SP9: variants seen among roughly 807,000 people sequenced by gnomAD.
The protein encoded by SP9 is Sp9 transcription factor.
Under a neutral mutation model 23.0 loss-of-function variants are expected in SP9, and 5 were observed. The observed-to-expected ratio is 0.22, with a 90% CI of 0.11 to 0.46. The LOEUF is 0.46. SP9 is among the 20% of genes least tolerant of loss of function. The pLI is 0.99. For synonymous variants in SP9, 360 were observed against 356.5 expected (o/e 1.01, Z -0.11); for missense variants, 542 against 724.0 (o/e 0.75, Z 2.88).
chr2:174,337,509 AGGAAGCAGCGTCT>A lies in SP9; in HGVS notation c.1427_1439del (p.Glu476AlafsTer41). On this transcript the variant is annotated frameshift_variant, in exon 2 of 2. Transcript: ENST00000394967. LOFTEE classifies it high-confidence loss of function. ...GCGGCGGCGGCCTCCGCGGGAGGCA[AGGAAGCAGCGTCT>A]GGCCCCAACGACTCTTAGAGGCCGG... is the stretch of plus-strand genomic sequence containing the variant. 2 of 1,179,238 alleles carry A rather than the reference AGGAAGCAGCGTCT, an allele frequency of 1.7e-6. No homozygotes were observed. Among genetic ancestry groups the A allele is most frequent in the Non-Finnish European group, 2.1e-6 (2 of 950,978 alleles). The allele number at this position is 1,179,238 out of a possible 1,614,324, so 73.0% of individuals were successfully genotyped here.
In SP9 at chr2:174,336,917, G is replaced by A. The variant is rs1158545941; in HGVS notation, c.832G>A (p.Ala278Thr). Reference protein sequence around the residue: ...SDSSAAVAAAAASAMISGAAA... With the variant: ...SDSSAAVAAATASAMISGAAA... ...CTCCAGCGCCGCCGTGGCAGCCGCC[G>A]CCGCCAGCGCCATGATATCGGGCGC... The change falls in exon 2 of 2, where the codon GCC becomes ACC. Residue 278 changes from alanine (A) to threonine (T), a missense_variant. Around this residue, in one of 8 missense-constraint regions of SP9, gnomAD observed 144 missense variants for 158.7 expected, o/e 0.91. Transcript: ENST00000394967. 4 of 1,482,912 alleles carry A rather than the reference G, an allele frequency of 2.7e-6. No individual in the cohort carries two copies. Among genetic ancestry groups the A allele is most frequent in the Non-Finnish European group, 8.9e-7 (1 of 1,124,114 alleles). The allele number at this position is 1,482,912 out of a possible 1,614,324, so 91.9% of individuals were successfully genotyped here.
Position 174,336,571 on chromosome 2 carries a change from C to T in SP9, c.486C>T (p.Gly162=), listed in dbSNP as rs62174227. ...AHPYESWYKS[G]FHSTLAAGEV... is the part of the protein sequence containing the mutation. ...CGTACGAGTCCTGGTACAAGTCGGG[C>T]TTCCATTCGACGCTGGCGGCCGGCG... Residue 162 remains glycine, a synonymous_variant, in exon 2 of 2, where the codon GGC becomes GGT. Coordinates refer to ENST00000394967, the MANE Select transcript of SP9 (RefSeq NM_001145250.2). 2.8e-6 allele frequency: 4 copies of T among 1,427,078 alleles called. No homozygotes were observed. The highest frequency in any genetic ancestry group is 3.7e-6 in the Non-Finnish European group (4 of 1,093,908). The allele number at this position is 1,427,078 out of a possible 1,614,324, so 88.4% of individuals were successfully genotyped here. A position where few individuals can be genotyped will look rare whatever the true frequency, so the allele number is the denominator to read the frequency against.
At position 174,337,051 on chromosome 2, in the gene SP9, C is replaced by T. The variant is rs778721011; in HGVS notation, c.966C>T (p.Ala322=). The stretch of plus-strand genomic sequence containing the variant: ...AGGAGGCGGAGCGGCTGGGCCCGGC[C>T]GGGGCGAGCCTGCGGCGCAAGGGCC... ...NCQEAERLGP[A]GASLRRKGLH... is the part of the protein sequence containing the mutation. Residue 322 remains alanine, a synonymous_variant, in exon 2 of 2, where the codon GCC becomes GCT. Transcript: ENST00000394967. 35 of 1,534,230 alleles carry T rather than the reference C, an allele frequency of 2.3e-5. 1 individual carries two copies. Among genetic ancestry groups the T allele is most frequent in the South Asian group, 1.3e-4 (11 of 82,662 alleles).
chr2:174,336,192 T>A lies in SP9; in HGVS notation c.107T>A (p.Leu36Gln). 1 of 1,550,618 alleles carries A rather than the reference T, an allele frequency of 6.4e-7. No individual in the cohort carries two copies. Residue 36 changes from leucine to glutamine, a missense_variant, in exon 2 of 2, where the codon CTG (leucine) becomes CAG (glutamine). Physicochemically the swap from Leu to Gln is moderately radical, Grantham distance 113 (BLOSUM62 -2). Around this residue, in one of 8 missense-constraint regions of SP9, gnomAD observed 201 missense variants for 226.3 expected, o/e 0.89. Coordinates refer to ENST00000394967, the MANE Select transcript of SP9 (RefSeq NM_001145250.2). Reference protein sequence around the residue: ...KIGNTSPLTTLPESSAFAKGG... With the variant: ...KIGNTSPLTTQPESSAFAKGG... Reference sequence around the variant, plus strand: ...GGCAACACGAGCCCGCTGACGACGCTGCCAGAGTCGAGCGCCTTCGCCAAA... The same window carrying A: ...GGCAACACGAGCCCGCTGACGACGCAGCCAGAGTCGAGCGCCTTCGCCAAA...
intron 1 of SP9, 37 bp from the exon 2 acceptor site, chr2:174,336,070 C>A: frequency 1.3e-6 from 2 of 1,539,040 alleles, no homozygotes; most frequent in Non-Finnish European, 1.8e-6. Flanking sequence ...TCTTGCCCTC[C>A]TCCTTCTTGC....
At chr2:174,335,171 T>C (rs1164477993) in intron 1 of SP9, 58 bp downstream of exon 1, 8 of 1,542,524 alleles carry the variant, frequency 5.2e-6, no homozygotes, top group Non-Finnish European at 6.1e-6. Flanking sequence ...TTTTTCGTTA[T>C]GGCTTCTGGG....
At position 174,337,259 on chromosome 2, in the gene SP9, T is replaced by C; in HGVS notation, c.1174T>C (p.Phe392Leu). 2 of 1,566,402 alleles carry C rather than the reference T, an allele frequency of 1.3e-6. No homozygotes were observed. ...GCGGACTCACACGGGCGAGAAGCGC[T>C]TCGCCTGTCCGGTGTGCAACAAGCG... Reference protein sequence around the residue: ...HLRTHTGEKRFACPVCNKRFM... With the variant: ...HLRTHTGEKRLACPVCNKRFM... Residue 392 changes from phenylalanine to leucine, a missense_variant, in exon 2 of 2, where the codon TTC becomes CTC. Phe to Leu is a conservative substitution (Grantham distance 22, BLOSUM62 0). Transcript: ENST00000394967.
In SP9 at chr2:174,336,439, A is replaced by G; in HGVS notation, c.354A>G (p.Ala118=). Residue 118 remains alanine (A), a synonymous_variant, in exon 2 of 2, where the codon GCA becomes GCG. Coordinates refer to ENST00000394967, the MANE Select transcript of SP9 (RefSeq NM_001145250.2). ...CCAACTCGGCGGCTGCCGCGGCGGC[A>G]GCGGCCGGGGTGTCCCCGCAGGAGG... The part of the protein sequence containing the change: ...LFSNSAAAAA[A]AAGVSPQEAG... The G allele has an allele frequency of 6.8e-7, 1 of 1,468,566 alleles. No homozygotes were observed. The highest frequency in any genetic ancestry group is 8.9e-7 in the Non-Finnish European group (1 of 1,119,302). The allele number at this position is 1,468,566 out of a possible 1,614,324, so 91.0% of individuals were successfully genotyped here.
At position 174,337,471 on chromosome 2, in the gene SP9, A is replaced by AGCGGCGGCGGCGGCG. The variant is rs746223726; in HGVS notation, c.1395_1409dup (p.Ala466_Ala470dup). ...GGGCGGCGGCAGCGGCGGCGGCGGC[A>AGCGGCGGCGGCGGCG]GCGGCGGCGGCGGCGGCGGCGGCCT... On this transcript the variant is annotated inframe_insertion, in exon 2 of 2. Transcript: ENST00000394967. 3.0e-5 allele frequency: 36 copies of AGCGGCGGCGGCGGCG among 1,200,462 alleles called. No homozygotes were observed. The East Asian group carries it at 4.1e-4, about 14-fold the overall frequency. 74.4% of individuals were successfully genotyped at this position (1,200,462 alleles called of 1,614,324 possible). A position where few individuals can be genotyped will look rare whatever the true frequency, so the allele number is the denominator to read the frequency against.
Position 174,337,631 on chromosome 2 carries a change from G to A in SP9, c.*91G>A. On this transcript the variant is annotated 3_prime_UTR_variant, in exon 2 of 2. Coordinates refer to ENST00000394967, the MANE Select transcript of SP9 (RefSeq NM_001145250.2). ...GGGCGAGCGAGCGGGAGGCGGGAGG[G>A]CAGGGGCTTCAGTGACGCCCCCAGG... is the stretch of plus-strand genomic sequence containing the variant. The A allele has an allele frequency of 9.5e-7, 1 of 1,049,794 alleles. No homozygotes were observed. Among genetic ancestry groups the A allele is most frequent in the Non-Finnish European group, 1.1e-6 (1 of 871,158 alleles). The allele number at this position is 1,049,794 out of a possible 1,614,324, so 65.0% of individuals were successfully genotyped here.
rs919508835 is a variant in SP9 at position 174,337,291 on chromosome 2, G to A, written c.1206G>A (p.Met402Ile). Reference protein sequence around the residue: ...FACPVCNKRFMRSDHLSKHIK... With the variant: ...FACPVCNKRFIRSDHLSKHIK... ...GTCCGGTGTGCAACAAGCGCTTCAT[G>A]CGCAGCGACCACCTGAGCAAACACA... The change falls in exon 2 of 2, where the codon ATG (methionine) becomes ATA (isoleucine). Residue 402 changes from methionine to isoleucine, a missense_variant. By Grantham distance (10) the Met-to-Ile change is conservative. Coordinates refer to ENST00000394967, the MANE Select transcript of SP9 (RefSeq NM_001145250.2). 18 of 1,556,352 alleles carry A rather than the reference G, an allele frequency of 1.2e-5. No homozygotes were observed. Among genetic ancestry groups the A allele is most frequent in the Non-Finnish European group, 1.5e-5 (17 of 1,150,026 alleles).
chr2:174,335,994 C>A (rs1684403725), intron 1 of SP9, 113 bp from the exon 2 acceptor site: 1 of 985,952 alleles, frequency 1.0e-6, no homozygotes, highest in South Asian at 1.7e-5. Flanking sequence ...GGAGCCAGGA[C>A]CCCCCGGGAG....
Position 174,337,284 on chromosome 2 carries a change from G to T in SP9, c.1199G>T (p.Arg400Leu). The T allele has an allele frequency of 6.4e-7, 1 of 1,558,188 alleles. No homozygotes were observed. The highest frequency in any genetic ancestry group is 8.7e-7 in the Non-Finnish European group (1 of 1,151,086). Residue 400 changes from arginine (R) to leucine (L), a missense_variant, in exon 2 of 2, where the codon CGC (arginine) becomes CTC (leucine). Arg to Leu is a moderately radical substitution (Grantham distance 102, BLOSUM62 -2). Transcript: ENST00000394967. ...TTCGCCTGTCCGGTGTGCAACAAGC[G>T]CTTCATGCGCAGCGACCACCTGAGC... ...KRFACPVCNK[R>L]FMRSDHLSKH...
chr2:174,336,021 G>C, intron 1 of SP9, 86 bp from the exon 2 acceptor site: 2 of 1,315,086 alleles, frequency 1.5e-6, no homozygotes. Context: ...CAGGGGACGA[G>C]GCTGCTCACG....
rs1684441493 is a variant in SP9 at position 174,337,621 on chromosome 2, A to AG, written c.*83dup. On this transcript the variant is annotated 3_prime_UTR_variant, in exon 2 of 2. Coordinates refer to ENST00000394967, the MANE Select transcript of SP9 (RefSeq NM_001145250.2). ...GAGGTTCGGAGGGCGAGCGAGCGGG[A>AG]GGCGGGAGGGCAGGGGCTTCAGTGA... The AG allele has an allele frequency of 9.4e-7, 1 of 1,058,410 alleles. No homozygotes were observed. Among genetic ancestry groups the AG allele is most frequent in the Non-Finnish European group, 1.1e-6 (1 of 877,244 alleles). The allele number at this position is 1,058,410 out of a possible 1,614,324, so 65.6% of individuals were successfully genotyped here. A position where few individuals can be genotyped will look rare whatever the true frequency, so the allele number is the denominator to read the frequency against.
Position 174,337,710 on chromosome 2 carries a change from C to G in SP9, c.*170C>G. The G allele has an allele frequency of 1.1e-5, 10 of 871,732 alleles. No homozygotes were observed. The highest frequency in any genetic ancestry group is 1.4e-5 in the Non-Finnish European group (10 of 711,222). The allele number at this position is 871,732 out of a possible 1,614,324, so 54.0% of individuals were successfully genotyped here. On this transcript the variant is annotated 3_prime_UTR_variant, in exon 2 of 2. Coordinates refer to ENST00000394967, the MANE Select transcript of SP9 (RefSeq NM_001145250.2). ...TCAGGGCTCCCGGGCTGCGGTTCGC[C>G]CGCTGTGCGAGGAGCTCCCCTCTGC...
chr2:174,336,230 C>T lies in SP9; in HGVS notation c.145C>T (p.Pro49Ser). 1.3e-6 allele frequency: 2 copies of T among 1,549,114 alleles called. No homozygotes were observed. The highest frequency in any genetic ancestry group is 1.2e-5 in the South Asian group (1 of 84,030). ...SSAFAKGGFH[P>S]WKRSSSSCNL... is the part of the protein sequence containing the mutation. ...CGCCTTCGCCAAAGGCGGCTTTCACCCCTGGAAGCGCTCCTCGTCCAGCTG... is the reference window on the plus strand; with the variant it reads ...CGCCTTCGCCAAAGGCGGCTTTCACTCCTGGAAGCGCTCCTCGTCCAGCTG... The change falls in exon 2 of 2, where the codon CCC becomes TCC. Residue 49 changes from proline to serine, a missense_variant. Physicochemically the swap from Pro to Ser is moderately conservative, Grantham distance 74. Coordinates refer to ENST00000394967, the MANE Select transcript of SP9 (RefSeq NM_001145250.2).
chr2:174,336,273 T>C lies in SP9; in HGVS notation c.188T>C (p.Leu63Pro), dbSNP rs1008842901. ...TCCAGCTGCAACCTCGGCTCCAGCCTCTCGGGCTTCGCGGTGGCCACCGGG... is the reference window on the plus strand; with the variant it reads ...TCCAGCTGCAACCTCGGCTCCAGCCCCTCGGGCTTCGCGGTGGCCACCGGG... The part of the protein sequence containing the change: ...SSSSCNLGSS[L>P]SGFAVATGGR... The change falls in exon 2 of 2, where the codon CTC (leucine) becomes CCC (proline). Residue 63 changes from leucine (L) to proline (P), a missense_variant. Physicochemically the swap from Leu to Pro is moderately conservative, Grantham distance 98. Coordinates refer to ENST00000394967, the MANE Select transcript of SP9 (RefSeq NM_001145250.2). 1.2e-5 allele frequency: 19 copies of C among 1,532,594 alleles called. No individual in the cohort carries two copies. Among genetic ancestry groups the C allele is most frequent in the Non-Finnish European group, 1.6e-5 (18 of 1,140,244 alleles). The allele number at this position is 1,532,594 out of a possible 1,614,324, so 94.9% of individuals were successfully genotyped here. A position where few individuals can be genotyped will look rare whatever the true frequency, so the allele number is the denominator to read the frequency against.
Position 174,336,421 on chromosome 2 carries a change from G to A in SP9, c.336G>A (p.Ser112=). ...SSDYGGLFSN[S]AAAAAAAAGV... is the part of the protein sequence containing the mutation. The stretch of plus-strand genomic sequence containing the variant: ...ACTACGGCGGCCTCTTCTCCAACTC[G>A]GCGGCTGCCGCGGCGGCAGCGGCCG... Residue 112 remains serine (S), a synonymous_variant, in exon 2 of 2, where the codon TCG becomes TCA. Transcript: ENST00000394967. The A allele has an allele frequency of 2.0e-6, 3 of 1,468,218 alleles. No individual in the cohort carries two copies. Among genetic ancestry groups the A allele is most frequent in the Non-Finnish European group, 2.7e-6 (3 of 1,119,336 alleles). 90.9% of individuals were successfully genotyped at this position (1,468,218 alleles called of 1,614,324 possible). A position where few individuals can be genotyped will look rare whatever the true frequency, so the allele number is the denominator to read the frequency against.
Sources: allele counts gnomAD v4.1 joint callset, GRCh38; gene constraint gnomAD v4.1.1; regional missense constraint gnomAD v4.1.1; transcripts MANE v1.5; gene names NCBI Gene and HGNC (gene_info 2026-07-23, HGNC 2026-07-21).